The following CA10 variants were observed in gnomAD, a reference collection of about 807,000 sequenced individuals.
CA10 encodes carbonic anhydrase 10 (inactive).
In CA10, 14 loss-of-function variants were observed where a neutral mutation model predicts 44.2. The observed-to-expected ratio is 0.32, with a 90% confidence interval of 0.21 to 0.50. CA10 has a LOEUF of 0.50. Among genes scored for constraint, CA10 ranks in the 20% least tolerant of loss-of-function variants. The pLI, the probability that CA10 is intolerant of heterozygous loss-of-function variation, is 0.99. For synonymous variants in CA10, 159 were observed against 141.6 expected, an observed-to-expected ratio of 1.12 and a Z score of -0.87; for missense variants, 350 against 409.7, an observed-to-expected ratio of 0.85 and a Z score of 1.26.
intron 1 of CA10, among the ~76,000 whole-genome samples, chr17:52,138,572 G>T (rs1404598786): frequency 6.6e-6 from 1 of 152,138 alleles, no homozygotes; most frequent in Non-Finnish European, 1.5e-5. Flanking sequence ...TGAGATTATG[G>T]TTCTAAAGTG....
At chr17:51,927,630 A>G (rs1381425214) in intron 3 of CA10, among the ~76,000 whole-genome samples, 1 of 152,180 alleles carries the variant, frequency 6.6e-6, no homozygotes, top group Non-Finnish European at 1.5e-5. Context: ...CACTAAAATT[A>G]AAACACAAAC....
At chr17:51,865,324 C>T (rs1979494353) in intron 3 of CA10, among the ~76,000 whole-genome samples, 1 of 152,182 alleles carries the variant, frequency 6.6e-6, no homozygotes, top group Admixed American at 6.5e-5. Flanking sequence ...TCATTCATAG[C>T]TGCATGTCTA....
At chr17:52,032,274 A>T (rs1309892351) in intron 2 of CA10, among the ~76,000 whole-genome samples, 1 of 152,144 alleles carries the variant, frequency 6.6e-6, no homozygotes, top group Non-Finnish European at 1.5e-5. Context: ...AAAGGATATC[A>T]ATATCACTTT....
At chr17:51,766,172 T>C (rs1905373705) in intron 3 of CA10, among the ~76,000 whole-genome samples, 1 of 152,156 alleles carries the variant, frequency 6.6e-6, no homozygotes, top group Non-Finnish European at 1.5e-5. Flanking sequence ...TTTAAAAGGC[T>C]CCAGCTCAAG....
intron 3 of CA10, among the ~76,000 whole-genome samples, chr17:51,787,056 A>G (rs778604074): frequency 6.6e-6 from 1 of 152,098 alleles, no homozygotes; most frequent in Non-Finnish European, 1.5e-5. Flanking sequence ...TTTCTAATAT[A>G]CTGTTGAATT....
At chr17:51,845,668 C>T (rs1978461325) in intron 3 of CA10, among the ~76,000 whole-genome samples, 1 of 152,226 alleles carries the variant, frequency 6.6e-6, no homozygotes, top group Non-Finnish European at 1.5e-5. Context: ...TCCTTCTTCT[C>T]CTAAGGCTCT....
intron 4 of CA10, among the ~76,000 whole-genome samples, chr17:51,704,231 T>C (rs1388065939): frequency 6.6e-6 from 1 of 152,130 alleles, no homozygotes; most frequent in Non-Finnish European, 1.5e-5. Flanking sequence ...TATTTATCCA[T>C]CCAACATATA....
At chr17:51,883,426 T>A (rs1980463792) in intron 3 of CA10, among the ~76,000 whole-genome samples, 1 of 152,210 alleles carries the variant, frequency 6.6e-6, no homozygotes, top group South Asian at 2.1e-4. Flanking sequence ...TCCATATTCA[T>A]TTGTAAATCC....
chr17:51,959,322 G>A (rs1598140172), intron 2 of CA10, among the ~76,000 whole-genome samples: 1 of 134,294 alleles, frequency 7.4e-6, no homozygotes, highest in East Asian at 2.2e-4. Context: ...GTGTGTGTGT[G>A]TGTGAATCGT....
intron 1 of CA10, among the ~76,000 whole-genome samples, chr17:52,091,736 G>C (rs1988272019): frequency 6.6e-6 from 1 of 152,068 alleles, no homozygotes; most frequent in African/African-American, 2.4e-5. Context: ...TGTTGGAGGG[G>C]GACCTTGCTG....
At chr17:51,866,105 T>C (rs2143850657) in intron 3 of CA10, among the ~76,000 whole-genome samples, 1 of 152,332 alleles carries the variant, frequency 6.6e-6, no homozygotes, top group Non-Finnish European at 1.5e-5. Context: ...GTTTTAAAAG[T>C]CTCTGTCATG....
At chr17:51,956,610 G>A (rs1176654079) in intron 2 of CA10, among the ~76,000 whole-genome samples, 1 of 152,088 alleles carries the variant, frequency 6.6e-6, no homozygotes, top group Non-Finnish European at 1.5e-5. Flanking sequence ...GCTTGTATTA[G>A]CAAAAACAGG....
intron 4 of CA10, among the ~76,000 whole-genome samples, chr17:51,666,574 C>T (rs1174705350): frequency 6.6e-6 from 1 of 151,540 alleles, no homozygotes; most frequent in East Asian, 1.9e-4. Context: ...GCCAACTTTC[C>T]CCTATTCCTG....
Position 51,726,222 on chromosome 17 carries a change from A to G in CA10, c.465+21411T>C, listed in dbSNP as rs138959624. Among the ~76,000 whole-genome samples the G allele has an allele frequency of 9.2e-5, 14 of 152,102 alleles. No homozygotes were observed. The East Asian group carries it at 2.5e-3, about 27-fold the overall frequency. On this transcript the variant is annotated intron_variant, in intron 4 of 8. Coordinates refer to ENST00000451037, the MANE Select transcript of CA10 (RefSeq NM_020178.5). The stretch of plus-strand genomic sequence containing the variant: ...TAAATGTGATGCCTCCTTTAAGTCC[A>G]GCACGAGTCCCACTTTCTCTGAGAG...
intron 2 of CA10, among the ~76,000 whole-genome samples, chr17:52,064,757 G>T (rs879731444): frequency 4.5e-4 from 69 of 152,204 alleles, no homozygotes; most frequent in Non-Finnish European, 2.1e-4. Context: ...CAATTTTAAA[G>T]AATGCAACAG....
At chr17:52,105,692 A>T (rs559856334) in intron 1 of CA10, among the ~76,000 whole-genome samples, 3 of 152,358 alleles carry the variant, frequency 2.0e-5, no homozygotes, top group African/African-American at 7.2e-5. Context: ...ATACTGTATG[A>T]CATACAGCAA....
At position 52,004,064 on chromosome 17, in the gene CA10, A is replaced by G. The variant is rs146504695; in HGVS notation, c.136+68255T>C. 1.1e-3 allele frequency among the ~76,000 whole-genome samples: 169 copies of G among 152,004 alleles called. 2 individuals are homozygous for G. The highest frequency in any genetic ancestry group is 3.8e-3 in the African/African-American group (159 of 41,532). On this transcript the variant is annotated intron_variant, in intron 2 of 8. Coordinates refer to ENST00000451037, the MANE Select transcript of CA10 (RefSeq NM_020178.5). ...GTTACATTAATACATCAAAATATCT[A>G]CTTATGATGATTGATTTGTAGATGT...
At chr17:51,637,669 C>G (rs985124803) in intron 6 of CA10, among the ~76,000 whole-genome samples, 4 of 152,222 alleles carry the variant, frequency 2.6e-5, no homozygotes, top group Non-Finnish European at 4.4e-5. Context: ...CTCACATTGA[C>G]TCAATAAAAT....
intron 3 of CA10, among the ~76,000 whole-genome samples, chr17:51,914,644 T>C (rs1737442969): frequency 1.3e-5 from 2 of 152,158 alleles, no homozygotes; most frequent in South Asian, 2.1e-4. Flanking sequence ...TCTCAAAACA[T>C]GGCAAAGAGA....
Sources: allele counts gnomAD v4.1 joint callset (sites outside exome capture counted in the v4.1 genomes callset), GRCh38; gene constraint gnomAD v4.1.1; transcripts MANE v1.5; gene names NCBI Gene and HGNC (gene_info 2026-07-23, HGNC 2026-07-21).